BLTP1: variants seen among roughly 807,000 people sequenced by gnomAD.
The protein encoded by BLTP1 is fragile site-associated protein.
the BLTP1 span, chr4:122,189,261 TATC>T: frequency 5.2e-6 from 5 of 952,416 alleles, no homozygotes; most frequent in African/African-American, 1.8e-5. Context: ...TTGCATTTAA[TATC>T]ATCTAATGAT....
chr4:122,271,362 A>G, the BLTP1 span: 14 of 1,613,762 alleles, frequency 8.7e-6, no homozygotes, highest in Non-Finnish European at 1.2e-5. Flanking sequence ...ACCAGAAAAC[A>G]TCGGGACTTT....
the BLTP1 span, among the ~76,000 whole-genome samples, chr4:122,192,891 A>G: frequency 6.6e-6 from 1 of 152,212 alleles, no homozygotes; most frequent in South Asian, 2.1e-4. Context: ...AGCATCACAG[A>G]TAATGTGGCT....
At chr4:122,168,808 A>C in the BLTP1 span, among the ~76,000 whole-genome samples, 1 of 152,302 alleles carries the variant, frequency 6.6e-6, no homozygotes. Flanking sequence ...GTTAATAATA[A>C]ACCTTCTGTT....
At chr4:122,341,601 C>T in the BLTP1 span, 1 of 867,290 alleles carries the variant, frequency 1.2e-6, no homozygotes, top group Non-Finnish European at 1.4e-6. Context: ...TTTATGATTC[C>T]TTAGAAAACA....
chr4:122,304,756 A>G, the BLTP1 span: 2 of 1,602,802 alleles, frequency 1.2e-6, no homozygotes, highest in African/African-American at 2.7e-5. Flanking sequence ...TATGTTGTTG[A>G]TTTAAGATTC....
chr4:122,302,268 T>C, the BLTP1 span: 1 of 982,126 alleles, frequency 1.0e-6, no homozygotes, highest in Non-Finnish European at 1.2e-6. Flanking sequence ...TTGCCAGTTT[T>C]ATCAGTTCAT....
At chr4:122,240,656 TAAA>T in the BLTP1 span, among the ~76,000 whole-genome samples, 1 of 152,206 alleles carries the variant, frequency 6.6e-6, no homozygotes, top group African/African-American at 2.4e-5. Context: ...TTCCGTGTCT[TAAA>T]AATAAAATTT....
At chr4:122,257,377 G>A in the BLTP1 span, 1 of 1,614,074 alleles carries the variant, frequency 6.2e-7, no homozygotes, top group Non-Finnish European at 8.5e-7. Flanking sequence ...GACCAGCTCA[G>A]CCTCTGAAAC....
the BLTP1 span, chr4:122,190,200 A>G: frequency 7.9e-7 from 1 of 1,259,326 alleles, no homozygotes; most frequent in South Asian, 1.6e-5. Flanking sequence ...AGGCTCAAAC[A>G]ATCCTCCTAC....
the BLTP1 span, chr4:122,355,872 T>C: frequency 6.2e-7 from 1 of 1,612,792 alleles, no homozygotes; most frequent in Non-Finnish European, 8.5e-7. Context: ...GTTTGTTGAG[T>C]GGATTCAGAG....
the BLTP1 span, chr4:122,211,006 C>A: frequency 2.5e-6 from 4 of 1,611,908 alleles, no homozygotes; most frequent in East Asian, 8.9e-5. Context: ...AGAACTTCCA[C>A]CTGATAAACT....
the BLTP1 span, among the ~76,000 whole-genome samples, chr4:122,360,299 C>T: frequency 6.6e-6 from 1 of 152,292 alleles, no homozygotes; most frequent in Non-Finnish European, 1.5e-5. Flanking sequence ...AATTAAATCA[C>T]TATCCCAAAA....
At chr4:122,236,151 T>G in the BLTP1 span, among the ~76,000 whole-genome samples, 4 of 152,216 alleles carry the variant, frequency 2.6e-5, no homozygotes, top group Non-Finnish European at 5.9e-5. Context: ...AATTTTACCT[T>G]CAAGAGTTGA....
chr4:122,207,254 A>G, the BLTP1 span: 5 of 1,606,344 alleles, frequency 3.1e-6, no homozygotes, highest in Non-Finnish European at 3.4e-6. Flanking sequence ...TCTACTAAAC[A>G]ACAGGAAAAT....
chr4:122,188,607 A>AT, the BLTP1 span, among the ~76,000 whole-genome samples: 1,731 of 144,216 alleles, frequency 0.012, 30 homozygotes, highest in African/African-American at 0.038. Context: ...CTAGCTTTCC[A>AT]TTTTTTTTTT....
chr4:122,235,051 A>G, the BLTP1 span: 3 of 1,548,608 alleles, frequency 1.9e-6, no homozygotes, highest in Non-Finnish European at 2.6e-6. Flanking sequence ...CACTTGTGCT[A>G]ATTGTTTACT....
the BLTP1 span, chr4:122,186,016 T>C: frequency 2.7e-6 from 4 of 1,507,320 alleles, no homozygotes; most frequent in Non-Finnish European, 3.6e-6. Context: ...TAAAAATTTT[T>C]TTGTAATTGG....
chr4:122,157,051 T>C, the BLTP1 span, among the ~76,000 whole-genome samples: 1 of 151,496 alleles, frequency 6.6e-6, no homozygotes, highest in East Asian at 1.9e-4. Flanking sequence ...TCCTGATCTT[T>C]TAGTAGGGAG....
the BLTP1 span, chr4:122,225,711 T>A: frequency 6.6e-6 from 1 of 152,126 alleles, no homozygotes; most frequent in East Asian, 1.9e-4. Flanking sequence ...TATAAAAATA[T>A]GTGAAAAGAA....
Sources: gnomAD v4.1 joint callset for allele counts (sites outside exome capture counted in the v4.1 genomes callset) on GRCh38, gnomAD v4.1.1 for gene constraint, MANE v1.5 for transcripts, NCBI Gene and HGNC (gene_info 2026-07-23, HGNC 2026-07-21) for gene names.